The following EYA1 variants were observed in gnomAD, a reference collection of about 807,000 sequenced individuals.
EYA1 encodes EYA transcriptional coactivator and phosphatase 1, also known as protein phosphatase EYA1.
In EYA1, 16 loss-of-function variants were observed where a neutral mutation model predicts 82.0. The ratio of observed to expected loss-of-function variants is 0.20; its 90% CI spans 0.13 to 0.30. The LOEUF (loss-of-function observed/expected upper bound fraction) is 0.30, where lower values mean the gene tolerates loss of function less well. Ranked by LOEUF, EYA1 falls within the 10% of genes least tolerant of loss-of-function variation. The pLI, the probability that EYA1 is intolerant of heterozygous loss-of-function variation, is 1.00. For missense variants in EYA1, 633 were observed against 730.7 expected, an observed-to-expected ratio of 0.87 and a Z score of 1.54; for synonymous variants, 261 against 264.4, an observed-to-expected ratio of 0.99 and a Z score of 0.12.
chr8:71,497,658 G>A (rs1380430783), intron 2 of EYA1, among the ~76,000 whole-genome samples: 1 of 152,022 alleles, frequency 6.6e-6, no homozygotes. Flanking sequence ...AAACACTAAG[G>A]AGGTTCCTCA....
intron 2 of EYA1, among the ~76,000 whole-genome samples, chr8:71,496,613 T>C (rs1399827330): frequency 6.6e-6 from 1 of 152,246 alleles, no homozygotes; most frequent in Non-Finnish European, 1.5e-5. Flanking sequence ...TTTTTTTCAA[T>C]GTTTTGAGCC....
intron 2 of EYA1, among the ~76,000 whole-genome samples, chr8:71,532,065 G>T (rs1250332508): frequency 1.3e-5 from 2 of 152,074 alleles, no homozygotes; most frequent in African/African-American, 4.8e-5. Context: ...CCTCTGCTAG[G>T]GTCATGAGGC....
intron 2 of EYA1, among the ~76,000 whole-genome samples, chr8:71,455,026 A>C (rs1807759089): frequency 6.6e-6 from 1 of 152,218 alleles, no homozygotes; most frequent in Admixed American, 6.5e-5. Context: ...CTAATAAAGA[A>C]GAAAAGAGAG....
At chr8:71,311,319 CA>C in intron 7 of EYA1, among the ~76,000 whole-genome samples, 1 of 152,332 alleles carries the variant, frequency 6.6e-6, no homozygotes, top group Admixed American at 6.5e-5. Context: ...TGAAAGCAAT[CA>C]GAGGCCGAAG....
At chr8:71,497,067 T>A (rs1353272136) in intron 2 of EYA1, among the ~76,000 whole-genome samples, 1 of 151,938 alleles carries the variant, frequency 6.6e-6, no homozygotes, top group Non-Finnish European at 1.5e-5. Context: ...GAAGAGACAA[T>A]CAAGAAAATG....
chr8:71,471,930 A>G (rs138114323), intron 2 of EYA1, among the ~76,000 whole-genome samples: 4 of 152,034 alleles, frequency 2.6e-5, no homozygotes, highest in Admixed American at 2.6e-4. Context: ...ACACAAAATC[A>G]CTGTTTGTAT....
intron 2 of EYA1, among the ~76,000 whole-genome samples, chr8:71,499,677 T>C (rs548515604): frequency 1.3e-5 from 2 of 152,292 alleles, no homozygotes; most frequent in African/African-American, 4.8e-5. Context: ...CAGTGTGACA[T>C]GACTATAACA....
At chr8:71,493,419 C>A (rs1307734812) in intron 2 of EYA1, among the ~76,000 whole-genome samples, 2 of 152,090 alleles carry the variant, frequency 1.3e-5, no homozygotes, top group African/African-American at 4.8e-5. Context: ...TGTGGTTTAT[C>A]CAGTAAACAG....
At chr8:71,233,977 G>A (rs1811535729) in intron 12 of EYA1, among the ~76,000 whole-genome samples, 1 of 152,166 alleles carries the variant, frequency 6.6e-6, no homozygotes, top group South Asian at 2.1e-4. Flanking sequence ...TCCCAGTGGG[G>A]GGTAGACCGA....
intron 12 of EYA1, among the ~76,000 whole-genome samples, chr8:71,232,252 C>T (rs1027780552): frequency 2.0e-5 from 3 of 152,238 alleles, no homozygotes; most frequent in Admixed American, 1.3e-4. Context: ...CTGCTGCCCC[C>T]TGCCTCCTAC....
At chr8:71,406,719 T>G (rs953802648) in intron 2 of EYA1, among the ~76,000 whole-genome samples, 35 of 151,632 alleles carry the variant, frequency 2.3e-4, no homozygotes, top group East Asian at 7.8e-4. Context: ...GCTCGGAGGG[T>G]CCTACGCCCA....
chr8:71,412,435 G>T (rs368397408), intron 2 of EYA1, among the ~76,000 whole-genome samples: 2 of 146,466 alleles, frequency 1.4e-5, no homozygotes, highest in Non-Finnish European at 3.1e-5. Flanking sequence ...ATAAAAAAAA[G>T]AAATTGTTGT....
Position 71,335,022 on chromosome 8 carries a change from A to AT in EYA1, c.125-849dup, listed in dbSNP as rs978461924. Among the ~76,000 whole-genome samples the AT allele has an allele frequency of 9.2e-5, 14 of 152,302 alleles. No homozygotes were observed. The East Asian group carries it at 1.7e-3, about 19-fold the overall frequency. On this transcript the variant is annotated intron_variant, in intron 3 of 17. Transcript: ENST00000340726. ...CTGCCTTTGTTCTCTCTAGTTTTAC[A>AT]TTTTTTTAAAAGAAGAAGTAGCATC...
intron 11 of EYA1, among the ~76,000 whole-genome samples, chr8:71,246,423 A>G (rs1029584436): frequency 9.2e-5 from 14 of 152,306 alleles, no homozygotes; most frequent in African/African-American, 3.4e-4. Flanking sequence ...CAAAGAAAAG[A>G]CTTTGATTCG....
At chr8:71,458,197 A>T (rs1453297653) in intron 2 of EYA1, among the ~76,000 whole-genome samples, 1 of 152,194 alleles carries the variant, frequency 6.6e-6, no homozygotes, top group African/African-American at 2.4e-5. Flanking sequence ...GAGTCACCGA[A>T]GAACTTTAAG....
chr8:71,369,309 G>A (rs769797772), intron 2 of EYA1, among the ~76,000 whole-genome samples: 4 of 151,360 alleles, frequency 2.6e-5, no homozygotes, highest in Non-Finnish European at 4.4e-5. Context: ...ATTCAAGGTT[G>A]AAATGCTATT....
intron 2 of EYA1, among the ~76,000 whole-genome samples, chr8:71,459,843 C>T (rs960475012): frequency 1.3e-5 from 2 of 152,030 alleles, no homozygotes; most frequent in South Asian, 2.1e-4. Context: ...AATTTGCATA[C>T]CCACTATCTG....
At chr8:71,512,347 AG>A (rs1812664060) in intron 2 of EYA1, among the ~76,000 whole-genome samples, 1 of 152,074 alleles carries the variant, frequency 6.6e-6, no homozygotes, top group Non-Finnish European at 1.5e-5. Flanking sequence ...TTCAGAAAAA[AG>A]TTTTTAAAAA....
chr8:71,490,841 T>G (rs572468256), intron 2 of EYA1, among the ~76,000 whole-genome samples: 1 of 152,284 alleles, frequency 6.6e-6, no homozygotes, highest in African/African-American at 2.4e-5. Flanking sequence ...GATTTTTCAT[T>G]GAGGAACTGA....
Sources: gnomAD v4.1 joint callset for allele counts (sites outside exome capture counted in the v4.1 genomes callset) on GRCh38, gnomAD v4.1.1 for gene constraint, MANE v1.5 for transcripts, NCBI Gene and HGNC (gene_info 2026-07-23, HGNC 2026-07-21) for gene names.